Variants in CAMSAP1 observed in about 807,000 individuals in gnomAD.
The protein encoded by CAMSAP1 is calmodulin-regulated spectrin-associated protein 1.
A neutral mutation model predicts 143.5 loss-of-function variants in CAMSAP1; 58 were observed. The observed-to-expected ratio is 0.40, with a 90% CI of 0.33 to 0.50. The LOEUF (loss-of-function observed/expected upper bound fraction) is 0.50, where lower values mean the gene tolerates loss of function less well. Ranked by LOEUF, CAMSAP1 falls within the 20% of genes least tolerant of loss-of-function variation. The probability of loss-of-function intolerance (pLI) is 0.45; values close to 1 mark genes in which losing one functional copy is unlikely to be tolerated. For synonymous variants in CAMSAP1, 945 were observed against 859.3 expected (o/e 1.10, Z -1.74); for missense variants, 1,969 against 2,115.7 (o/e 0.93, Z 1.36).
intron 1 of CAMSAP1, among the ~76,000 whole-genome samples, chr9:135,891,815 TAA>T (rs1246853162): frequency 6.6e-6 from 1 of 152,108 alleles, no homozygotes; most frequent in Non-Finnish European, 1.5e-5. Context: ...TACACTCTCT[TAA>T]AATATATGAA....
chr9:135,856,076 AAAAC>A (rs1368604027), intron 5 of CAMSAP1, among the ~76,000 whole-genome samples: 1 of 152,182 alleles, frequency 6.6e-6, no homozygotes, highest in African/African-American at 2.4e-5. Context: ...AAATAAAACA[AAAAC>A]AAAAAAGCCA....
In CAMSAP1 at chr9:135,823,086, G is replaced by A. The variant is rs150672298; in HGVS notation, c.1575C>T (p.His525=). The change falls in exon 11 of 17, where the codon CAC becomes CAT. Residue 525 remains histidine, a synonymous_variant. Coordinates refer to ENST00000389532, the MANE Select transcript of CAMSAP1 (RefSeq NM_015447.4). The stretch of plus-strand genomic sequence containing the variant: ...TGACATTGCTCAGGAGGCTCTTCCC[G>A]TGGCTCTTCGTGGCCGTGGGGTGTG... The part of the protein sequence containing the change: ...NQPHPTATKS[H]GKSLLSNVSI... 116 of 1,614,012 alleles carry A rather than the reference G, an allele frequency of 7.2e-5. No individual in the cohort carries two copies. In the African/African-American group the frequency reaches 1.2e-3, roughly 17 times the overall value.
chr9:135,813,107 C>T (rs1835109550), intron 16 of CAMSAP1, among the ~76,000 whole-genome samples: 1 of 152,224 alleles, frequency 6.6e-6, no homozygotes, highest in Admixed American at 6.5e-5. Flanking sequence ...TGGGAGTGCA[C>T]CTGGGTCTGC....
Position 135,811,343 on chromosome 9 carries a change from G to A in CAMSAP1, c.4775C>T (p.Pro1592Leu), listed in dbSNP as rs758753847. The A allele has an allele frequency of 5.6e-6, 9 of 1,613,148 alleles. No individual in the cohort carries two copies. The highest frequency in any genetic ancestry group is 1.3e-5 in the African/African-American group (1 of 75,048). ...IHNHLWQPKR[P>L]AVPKKAQTRK ...AGTCTGGGCCTTCTTTGGCACTGCA[G>A]GCCGCTTGGGCTGCCACAGGTGGTT... The change falls in exon 17 of 17, where the codon CCT becomes CTT. Residue 1592 changes from proline to leucine, a missense_variant. Around this residue, in one of 4 missense-constraint regions of CAMSAP1, gnomAD observed 143 missense variants for 200.6 expected, o/e 0.71. Coordinates refer to ENST00000389532, the MANE Select transcript of CAMSAP1 (RefSeq NM_015447.4). This position sits in a 1 kb window ranked among gnomAD's most constrained non-coding sequence, Gnocchi z 4.9.
rs1340615568 is a variant in CAMSAP1, at chr9:135,840,981, G to C, written c.1045+9156C>G. On this transcript the variant is annotated intron_variant, in intron 7 of 16. Transcript: ENST00000389532. The stretch of plus-strand genomic sequence containing the variant: ...TTTTTTCATACCCTAGTGGTGCCTG[G>C]AACGCCAGCGAGGCAGAACTGTTCA... 2.6e-5 allele frequency among the ~76,000 whole-genome samples: 4 copies of C among 152,252 alleles called. No homozygotes were observed. In the East Asian group the frequency reaches 7.7e-4, roughly 29 times the overall value.
chr9:135,868,528 T>C (rs1475782963), intron 3 of CAMSAP1, among the ~76,000 whole-genome samples: 1 of 152,126 alleles, frequency 6.6e-6, no homozygotes, highest in Non-Finnish European at 1.5e-5. Context: ...CAGAAAAAAT[T>C]TAAATTTTGG....
intron 1 of CAMSAP1, among the ~76,000 whole-genome samples, chr9:135,887,180 C>T (rs533356886): frequency 5.9e-5 from 9 of 152,218 alleles, no homozygotes; most frequent in East Asian, 5.8e-4. Context: ...ACCAAGCCCA[C>T]GGGACAGATG....
At chr9:135,875,974 T>C (rs980717495) in intron 3 of CAMSAP1, among the ~76,000 whole-genome samples, 1 of 152,186 alleles carries the variant, frequency 6.6e-6, no homozygotes, top group Non-Finnish European at 1.5e-5. Context: ...TGCTTGTTTT[T>C]TGAAACAGTC....
intron 11 of CAMSAP1, 127 bp from the exon 12 acceptor site, chr9:135,819,273 T>C (rs945116334): frequency 1.6e-6 from 2 of 1,268,952 alleles, no homozygotes; most frequent in Non-Finnish European, 2.1e-6. Flanking sequence ...TTCTATGCTT[T>C]TCTCTAACCG....
intron 7 of CAMSAP1, among the ~76,000 whole-genome samples, chr9:135,837,097 ATTCCAGAGACACACGTCACCACGGAC>A (rs1836087925): frequency 7.0e-6 from 1 of 141,994 alleles, no homozygotes; most frequent in Admixed American, 7.0e-5. Context: ...CTTTCTACCC[ATTCCAGAGACACACGTCACCACGGAC>A]GTTCTACAGA....
chr9:135,813,053 T>A (rs1490849592), intron 16 of CAMSAP1, among the ~76,000 whole-genome samples: 1 of 152,170 alleles, frequency 6.6e-6, no homozygotes, highest in African/African-American at 2.4e-5. Flanking sequence ...TATCTTCAAG[T>A]GTTTTGGTAA....
chr9:135,845,459 G>A (rs1836518222), intron 7 of CAMSAP1, among the ~76,000 whole-genome samples: 2 of 152,182 alleles, frequency 1.3e-5, no homozygotes, highest in African/African-American at 2.4e-5. Flanking sequence ...ACCGGTACAA[G>A]ACAAGGATGC....
At position 135,821,266 on chromosome 9, in the gene CAMSAP1, T is replaced by C; in HGVS notation, c.3395A>G (p.His1132Arg). 1.2e-6 allele frequency: 2 copies of C among 1,609,570 alleles called. No homozygotes were observed. Among genetic ancestry groups the C allele is most frequent in the Non-Finnish European group, 8.5e-7 (1 of 1,179,796 alleles). ...TPTPSVETLP[H>R]LRPFPASSHP... ...GCTGCTGGCAGGGAAGGGTCTCAAG[T>C]GCGGGAGCGTCTCTACACTGGGCGT... Residue 1132 changes from histidine (H) to arginine (R), a missense_variant, in exon 11 of 17, where the codon CAC becomes CGC. Physicochemically the swap from His to Arg is conservative, Grantham distance 29. Around this residue, in one of 4 missense-constraint regions of CAMSAP1, gnomAD observed 1,390 missense variants for 1,420.8 expected, o/e 0.98. Coordinates refer to ENST00000389532, the MANE Select transcript of CAMSAP1 (RefSeq NM_015447.4). This position sits in a 1 kb window ranked among gnomAD's most constrained non-coding sequence, Gnocchi z 4.6.
intron 1 of CAMSAP1, among the ~76,000 whole-genome samples, chr9:135,893,660 C>T (rs1341334101): frequency 1.3e-5 from 2 of 152,152 alleles, no homozygotes; most frequent in Admixed American, 6.5e-5. Context: ...GGATGAGAAT[C>T]TTCCAATACT....
chr9:135,830,256 A>G (rs1207247158), intron 7 of CAMSAP1, among the ~76,000 whole-genome samples: 1 of 152,256 alleles, frequency 6.6e-6, no homozygotes, highest in Non-Finnish European at 1.5e-5. Context: ...CTCACTAATC[A>G]AAAGATAGAG....
At chr9:135,816,409 G>T (rs1188990974) in intron 14 of CAMSAP1, among the ~76,000 whole-genome samples, 1 of 152,206 alleles carries the variant, frequency 6.6e-6, no homozygotes, top group Non-Finnish European at 1.5e-5. Flanking sequence ...CCTAGGGAAG[G>T]AGGGGCCACA....
intron 1 of CAMSAP1, among the ~76,000 whole-genome samples, chr9:135,890,918 GC>G (rs1200565779): frequency 6.6e-6 from 1 of 152,130 alleles, no homozygotes; most frequent in Admixed American, 6.5e-5. Flanking sequence ...CCTCTCTCCC[GC>G]TGACAACAGC....
At chr9:135,892,333 G>A (rs1299858121) in intron 1 of CAMSAP1, among the ~76,000 whole-genome samples, 3 of 151,914 alleles carry the variant, frequency 2.0e-5, no homozygotes, top group African/African-American at 2.4e-5. Flanking sequence ...AAAAAGACAC[G>A]ATTAAAATTT....
chr9:135,852,470 A>C (rs1271678577), intron 5 of CAMSAP1, among the ~76,000 whole-genome samples: 2 of 152,132 alleles, frequency 1.3e-5, no homozygotes, highest in African/African-American at 4.8e-5. Context: ...TTTACTTTTC[A>C]GGTTTGCATC....
Sources: gnomAD v4.1 joint callset for allele counts (sites outside exome capture counted in the v4.1 genomes callset) on GRCh38, gnomAD v4.1.1 for gene constraint, gnomAD v4.1.1 regional missense constraint, Gnocchi (gnomAD v3.1) non-coding constraint, MANE v1.5 for transcripts, NCBI Gene and HGNC (gene_info 2026-07-23, HGNC 2026-07-21) for gene names.